MGAT4C: variants seen among roughly 807,000 people sequenced by gnomAD.
MGAT4C encodes alpha-1,3-mannosyl-glycoprotein 4-beta-N-acetylglucosaminyltransferase C.
In MGAT4C, 19 loss-of-function variants were observed where a neutral mutation model predicts 40.1. The ratio of observed to expected loss-of-function variants is 0.47; its 90% CI spans 0.33 to 0.70. The LOEUF (loss-of-function observed/expected upper bound fraction) is 0.70. Ranked by LOEUF, MGAT4C falls within the 30% of genes least tolerant of loss-of-function variation. The probability of loss-of-function intolerance (pLI) is 0.02; values close to 1 mark genes in which losing one functional copy is unlikely to be tolerated. For synonymous variants in MGAT4C, 181 were observed against 187.1 expected (o/e 0.97, Z 0.27); for missense variants, 491 against 563.2 (o/e 0.87, Z 1.30).
intron 2 of MGAT4C, among the ~76,000 whole-genome samples, chr12:86,608,943 A>G (rs1962144810): frequency 6.6e-6 from 1 of 152,128 alleles, no homozygotes; most frequent in Non-Finnish European, 1.5e-5. Context: ...GTATGAGTCA[A>G]CAACCAGTTG....
chr12:86,482,276 G>A (rs1342231580), intron 2 of MGAT4C, among the ~76,000 whole-genome samples: 1 of 151,406 alleles, frequency 6.6e-6, no homozygotes, highest in Non-Finnish European at 1.5e-5. Flanking sequence ...TTAAAAAACT[G>A]TGTAAATATG....
At chr12:86,667,544 GTC>G (rs1280965985) in intron 2 of MGAT4C, among the ~76,000 whole-genome samples, 1 of 152,136 alleles carries the variant, frequency 6.6e-6, no homozygotes, top group Non-Finnish European at 1.5e-5. Flanking sequence ...AAGCCATTCA[GTC>G]TCTGTTACTA....
chr12:86,562,388 T>C (rs1439182511), intron 2 of MGAT4C, among the ~76,000 whole-genome samples: 3 of 151,988 alleles, frequency 2.0e-5, no homozygotes, highest in African/African-American at 4.8e-5. Context: ...TTGGGACAGG[T>C]GGGAGGATGC....
chr12:86,783,943 C>T (rs1361725178), intron 1 of MGAT4C, among the ~76,000 whole-genome samples: 1 of 152,032 alleles, frequency 6.6e-6, no homozygotes, highest in African/African-American at 2.4e-5. Context: ...AATTCACATG[C>T]CCTAAAACAT....
At chr12:86,282,358 ACCT>A (rs1953239503) in intron 4 of MGAT4C, among the ~76,000 whole-genome samples, 1 of 152,058 alleles carries the variant, frequency 6.6e-6, no homozygotes, top group Non-Finnish European at 1.5e-5. Context: ...CTGTTGTTAA[ACCT>A]AATCCAATGC....
chr12:86,453,793 C>T (rs562352827), intron 2 of MGAT4C, among the ~76,000 whole-genome samples: 2 of 152,158 alleles, frequency 1.3e-5, no homozygotes, highest in Middle Eastern at 6.8e-3. Flanking sequence ...ATTATGGGGA[C>T]TTTTGCTTAC....
At chr12:86,771,928 A>G (rs1951647469) in intron 1 of MGAT4C, among the ~76,000 whole-genome samples, 1 of 152,148 alleles carries the variant, frequency 6.6e-6, no homozygotes, top group African/African-American at 2.4e-5. Flanking sequence ...TGTATTTTTT[A>G]TAAAAAGTAT....
rs5799763 is a variant in MGAT4C, at chr12:85,957,657, C to CAAAAAAAAAAAAAAAAAAAAAAAGA, written c.*21631_*21632insTCTTTTTTTTTTTTTTTTTTTTTTT. ...TTTACTGTAGAGTTGAATAAGAAAG[C>CAAAAAAAAAAAAAAAAAAAAAAAGA]AAAAAAAAAAAAAAAAGAAAAAAGA... is the stretch of plus-strand genomic sequence containing the variant. On this transcript the variant is annotated 3_prime_UTR_variant, in exon 5 of 5. Transcript: ENST00000611864. The CAAAAAAAAAAAAAAAAAAAAAAAGA allele has an allele frequency of 6.9e-5, 7 of 101,274 alleles. No individual in the cohort carries two copies. The highest frequency in any genetic ancestry group is 3.1e-4 in the East Asian group (1 of 3,214). The allele number at this position is 101,274 out of a possible 1,614,324, so 6.3% of individuals were successfully genotyped here. A position where few individuals can be genotyped will look rare whatever the true frequency, so the allele number is the denominator to read the frequency against.
intron 1 of MGAT4C, among the ~76,000 whole-genome samples, chr12:86,168,538 A>G (rs1040432237): frequency 6.6e-6 from 1 of 152,188 alleles, no homozygotes; most frequent in Non-Finnish European, 1.5e-5. Flanking sequence ...AAAACCAGAA[A>G]GATTCAGGAA....
At chr12:86,513,584 G>GT (rs1032667928) in intron 2 of MGAT4C, among the ~76,000 whole-genome samples, 3 of 152,154 alleles carry the variant, frequency 2.0e-5, no homozygotes, top group Non-Finnish European at 2.9e-5. Context: ...AGAAAGGATA[G>GT]TTTTTTGAAC....
At chr12:86,285,068 A>G (rs1318673179) in intron 4 of MGAT4C, among the ~76,000 whole-genome samples, 1 of 152,028 alleles carries the variant, frequency 6.6e-6, no homozygotes, top group Non-Finnish European at 1.5e-5. Context: ...TAACAGGAAC[A>G]TGTTGGGCAA....
intron 1 of MGAT4C, among the ~76,000 whole-genome samples, chr12:86,729,736 T>C (rs150423086): frequency 1.1e-3 from 162 of 152,190 alleles, no homozygotes; most frequent in Non-Finnish European, 1.8e-3. Context: ...ACAAAAGCCC[T>C]GAAAAAATGT....
intron 1 of MGAT4C, among the ~76,000 whole-genome samples, chr12:86,183,429 C>A (rs943454065): frequency 6.6e-6 from 1 of 152,190 alleles, no homozygotes; most frequent in African/African-American, 2.4e-5. Flanking sequence ...AAAAATAATA[C>A]CAATCTCATA....
At chr12:86,184,879 G>A (rs1405155161) in intron 1 of MGAT4C, among the ~76,000 whole-genome samples, 2 of 152,012 alleles carry the variant, frequency 1.3e-5, no homozygotes, top group Admixed American at 6.6e-5. Context: ...CTTTAAAATG[G>A]GCCAGTTTTC....
chr12:86,837,741 C>T (rs1009831928), intron 1 of MGAT4C, among the ~76,000 whole-genome samples: 2 of 152,028 alleles, frequency 1.3e-5, no homozygotes, highest in Non-Finnish European at 2.9e-5. Context: ...TTTATAAGAT[C>T]ACTGTGATTA....
chr12:86,737,317 T>C (rs911518020), intron 1 of MGAT4C, among the ~76,000 whole-genome samples: 6 of 150,046 alleles, frequency 4.0e-5, no homozygotes, highest in Non-Finnish European at 5.9e-5. Flanking sequence ...ATTGGCACCA[T>C]TGATGAGTCT....
At chr12:86,112,013 G>T (rs1440272700) in intron 1 of MGAT4C, among the ~76,000 whole-genome samples, 2 of 151,786 alleles carry the variant, frequency 1.3e-5, no homozygotes, top group African/African-American at 4.8e-5. Context: ...TACTGTGCAA[G>T]TATACATATG....
At chr12:86,482,078 A>ACACC (rs1219337344) in intron 2 of MGAT4C, among the ~76,000 whole-genome samples, 8 of 151,276 alleles carry the variant, frequency 5.3e-5, no homozygotes, top group Admixed American at 2.0e-4. Context: ...ACACACACAC[A>ACACC]CACACACACA....
intron 3 of MGAT4C, among the ~76,000 whole-genome samples, chr12:86,421,282 C>T (rs962290866): frequency 2.0e-5 from 3 of 152,036 alleles, no homozygotes; most frequent in Admixed American, 6.5e-5. Flanking sequence ...ATTGTTCTAC[C>T]CCTTGCTGGT....
Sources: allele counts gnomAD v4.1 joint callset (sites outside exome capture counted in the v4.1 genomes callset), GRCh38; gene constraint gnomAD v4.1.1; transcripts MANE v1.5; gene names NCBI Gene and HGNC (gene_info 2026-07-23, HGNC 2026-07-21).